The following SMAD4 variants were observed in gnomAD, a reference collection of about 807,000 sequenced individuals.
The protein encoded by SMAD4 is SMAD family member 4, also known as MAD homolog 4.
SMAD4 carries 7 observed loss-of-function variants against 63.2 expected under a neutral mutation model. The observed-to-expected ratio is 0.11, with a 90% CI of 0.06 to 0.21. The LOEUF is 0.21. Ranked by LOEUF, SMAD4 falls within the 10% of genes least tolerant of loss-of-function variation. The pLI, the probability that SMAD4 is intolerant of heterozygous loss-of-function variation, is 1.00. For synonymous variants in SMAD4, 215 were observed against 235.4 expected, an observed-to-expected ratio of 0.91 and a Z score of 0.79; for missense variants, 312 against 693.8, an observed-to-expected ratio of 0.45 and a Z score of 6.18.
At chr18:51,052,956 A>G (rs1053158890) in intron 4 of SMAD4, 1 of 152,454 alleles carries the variant, frequency 6.6e-6, no homozygotes, top group Non-Finnish European at 1.5e-5. Flanking sequence ...ATCCTTGTTG[A>G]TACCTTTAGT....
rs2144482895 is a variant in SMAD4, at chr18:51,079,727, T to G, written c.*1260T>G. The G allele has an allele frequency of 4.3e-6, 1 of 233,464 alleles. No individual in the cohort carries two copies. The highest frequency in any genetic ancestry group is 1.8e-4 in the South Asian group (1 of 5,526). 14.5% of individuals were successfully genotyped at this position (233,464 alleles called of 1,614,324 possible). On this transcript the variant is annotated 3_prime_UTR_variant, in exon 12 of 12. Transcript: ENST00000342988. ...TATTGACTGTACCACAGACACAATA[T>G]GTATGCTTTTTACCTAGCTGGTAGC... is the stretch of plus-strand genomic sequence containing the variant.
rs968037634 is a variant in SMAD4, at chr18:51,082,052, T to G, written c.*3585T>G. 6.1e-5 allele frequency: 14 copies of G among 230,992 alleles called. No homozygotes were observed. The highest frequency in any genetic ancestry group is 3.1e-4 in the African/African-American group (14 of 45,258). 14.3% of individuals were successfully genotyped at this position (230,992 alleles called of 1,614,324 possible). ...TTCTTTTTGTTGATAATTTCTAGTT[T>G]GCTCCCTTCGTTATTGCCAACTTTA... On this transcript the variant is annotated 3_prime_UTR_variant, in exon 12 of 12. Transcript: ENST00000342988.
chr18:51,041,676 A>G (rs1312251185), intron 1 of SMAD4, among the ~76,000 whole-genome samples: 2 of 152,204 alleles, frequency 1.3e-5, no homozygotes, highest in African/African-American at 4.8e-5. Flanking sequence ...TAGCCTTTAA[A>G]AGAAGATATA....
At chr18:51,051,204 TC>T (rs1348563704) in intron 4 of SMAD4, 5 of 329,496 alleles carry the variant, frequency 1.5e-5, no homozygotes, top group Non-Finnish European at 3.0e-5. Context: ...ATCACACACC[TC>T]CCCTATTCTA....
At chr18:51,034,102 A>G (rs1164471517) in intron 1 of SMAD4, among the ~76,000 whole-genome samples, 1 of 152,066 alleles carries the variant, frequency 6.6e-6, no homozygotes, top group Non-Finnish European at 1.5e-5. Context: ...CCAAATGAGA[A>G]TTTTTTGCAG....
intron 1 of SMAD4, among the ~76,000 whole-genome samples, chr18:51,037,702 C>T (rs1909245520): frequency 6.6e-6 from 1 of 152,190 alleles, no homozygotes; most frequent in Non-Finnish European, 1.5e-5. Flanking sequence ...TGTTATTGAG[C>T]TGCAAGCTGA....
chr18:51,058,100 T>C (rs1909889299), intron 5 of SMAD4, 25 bp from the exon 6 acceptor site: 1 of 1,610,404 alleles, frequency 6.2e-7, no homozygotes, highest in African/African-American at 1.3e-5. Context: ...GAATGTACCA[T>C]GTTAATGTCT....
At chr18:51,066,267 C>A (rs1910147043) in intron 9 of SMAD4, among the ~76,000 whole-genome samples, 1 of 151,570 alleles carries the variant, frequency 6.6e-6, no homozygotes. Context: ...TTGCTTGAAC[C>A]CAGGAGGTGG....
At position 51,084,842 on chromosome 18, in the gene SMAD4, T is replaced by C. The variant is rs1260622422; in HGVS notation, c.*6375T>C. On this transcript the variant is annotated 3_prime_UTR_variant, in exon 12 of 12. Coordinates refer to ENST00000342988, the MANE Select transcript of SMAD4 (RefSeq NM_005359.6). Reference sequence around the variant, plus strand: ...GTTTCCTCCCCTAAATTCAGAGGAATGCAGCTATGCCAGAAGCCAGAGAAG... The same window carrying C: ...GTTTCCTCCCCTAAATTCAGAGGAACGCAGCTATGCCAGAAGCCAGAGAAG... The C allele has an allele frequency of 8.8e-6, 2 of 227,064 alleles. No homozygotes were observed. The highest frequency in any genetic ancestry group is 6.3e-5 in the East Asian group (1 of 15,930). The allele number at this position is 227,064 out of a possible 1,614,324, so 14.1% of individuals were successfully genotyped here.
At chr18:51,034,263 T>C (rs1218504688) in intron 1 of SMAD4, among the ~76,000 whole-genome samples, 1 of 150,248 alleles carries the variant, frequency 6.7e-6, no homozygotes, top group African/African-American at 2.4e-5. Context: ...TTTTTTTTTC[T>C]GAGACGGAGT....
At position 51,084,026 on chromosome 18, in the gene SMAD4, A is replaced by G. The variant is rs1474011403; in HGVS notation, c.*5559A>G. ...CACGCGCGCGCGCACACACACACAC[A>G]CACACACACACACACACAGGTCAGA... On this transcript the variant is annotated 3_prime_UTR_variant, in exon 12 of 12. Transcript: ENST00000342988. 18 of 231,536 alleles carry G rather than the reference A, an allele frequency of 7.8e-5. No homozygotes were observed. Among genetic ancestry groups the G allele is most frequent in the African/African-American group, 2.2e-4 (10 of 45,018 alleles). 14.3% of individuals were successfully genotyped at this position (231,536 alleles called of 1,614,324 possible). A position where few individuals can be genotyped will look rare whatever the true frequency, so the allele number is the denominator to read the frequency against.
At position 51,047,856 on chromosome 18, in the gene SMAD4, G is replaced by A. The variant is rs150301543; in HGVS notation, c.249+561G>A. On this transcript the variant is annotated intron_variant, in intron 2 of 11. Coordinates refer to ENST00000342988, the MANE Select transcript of SMAD4 (RefSeq NM_005359.6). ...ACCGCTGACCTCAGGTGATCCACCCGCCTCAGCCTTCCAGAATTCTGGCAT... is the reference window on the plus strand; with the variant it reads ...ACCGCTGACCTCAGGTGATCCACCCACCTCAGCCTTCCAGAATTCTGGCAT... Among the ~76,000 whole-genome samples, 520 of 152,278 alleles carry A rather than the reference G, an allele frequency of 3.4e-3. 6 individuals carry two copies. The East Asian group carries it at 0.043, about 12-fold the overall frequency.
At chr18:51,064,890 C>G (rs369326922) in intron 8 of SMAD4, among the ~76,000 whole-genome samples, 2 of 152,224 alleles carry the variant, frequency 1.3e-5, no homozygotes, top group South Asian at 2.1e-4. Context: ...AGCTGACTTG[C>G]TTATGCACTT....
At chr18:51,065,705 TTAAATA>T (rs1245515548) in intron 9 of SMAD4, 99 bp downstream of exon 9, 5 of 919,690 alleles carry the variant, frequency 5.4e-6, no homozygotes, top group Admixed American at 2.7e-5. Flanking sequence ...ATATGTGTTC[TTAAATA>T]TAAATAAAGG....
At chr18:51,073,388 T>TATATACATAC (rs1417299090) in intron 10 of SMAD4, among the ~76,000 whole-genome samples, 2 of 64,160 alleles carry the variant, frequency 3.1e-5, no homozygotes, top group Admixed American at 1.9e-4. Context: ...TATATATATA[T>TATATACATAC]ACACACACAC....
intron 2 of SMAD4, among the ~76,000 whole-genome samples, chr18:51,047,824 G>A (rs1184671793): frequency 6.6e-6 from 1 of 152,110 alleles, no homozygotes; most frequent in Admixed American, 6.5e-5. Context: ...GGTCAGGCTG[G>A]TCTTGAACCG....
At chr18:51,071,456 G>A (rs1224692010) in intron 10 of SMAD4, among the ~76,000 whole-genome samples, 3 of 152,122 alleles carry the variant, frequency 2.0e-5, no homozygotes, top group East Asian at 3.9e-4. Context: ...TTTACTTAAC[G>A]AAAATCTGAT....
intron 1 of SMAD4, among the ~76,000 whole-genome samples, chr18:51,037,268 T>C (rs1042827657): frequency 2.0e-5 from 3 of 152,232 alleles, no homozygotes; most frequent in Admixed American, 6.5e-5. Context: ...TTTAAAACAG[T>C]GGTTCCCAAA....
At chr18:51,035,190 GTTTC>G (rs1909169301) in intron 1 of SMAD4, among the ~76,000 whole-genome samples, 2 of 151,910 alleles carry the variant, frequency 1.3e-5, no homozygotes, top group East Asian at 3.9e-4. Flanking sequence ...TTTCTCCTCT[GTTTC>G]TTTCTTCACT....
Sources: gnomAD v4.1 joint callset for allele counts (sites outside exome capture counted in the v4.1 genomes callset) on GRCh38, gnomAD v4.1.1 for gene constraint, MANE v1.5 for transcripts, NCBI Gene and HGNC (gene_info 2026-07-23, HGNC 2026-07-21) for gene names.